RAP1GAP2: variants seen among roughly 807,000 people sequenced by gnomAD.
RAP1GAP2 encodes the protein rap1 GTPase-activating protein 2.
Under a neutral mutation model 95.0 loss-of-function variants are expected in RAP1GAP2, and 27 were observed. The ratio of observed to expected loss-of-function variants is 0.28; its 90% CI spans 0.21 to 0.39. The LOEUF (loss-of-function observed/expected upper bound fraction) is 0.39. Ranked by LOEUF, RAP1GAP2 falls within the 10% of genes least tolerant of loss-of-function variation. The pLI is 1.00. For synonymous variants in RAP1GAP2, 373 were observed against 380.9 expected (o/e 0.98, Z 0.24); for missense variants, 771 against 970.0 (o/e 0.79, Z 2.72).
At chr17:2,874,113 G>C (rs1456191934) in intron 2 of RAP1GAP2, among the ~76,000 whole-genome samples, 1 of 152,198 alleles carries the variant, frequency 6.6e-6, no homozygotes, top group Admixed American at 6.5e-5. Flanking sequence ...CTGTGGACAA[G>C]TTACCTGATT....
At chr17:2,949,180 C>T (rs898629554) in intron 3 of RAP1GAP2, among the ~76,000 whole-genome samples, 1 of 152,182 alleles carries the variant, frequency 6.6e-6, no homozygotes, top group Non-Finnish European at 1.5e-5. Flanking sequence ...GCTGTGAACG[C>T]AGAGTCCACG....
At chr17:2,999,283 G>C (rs936040328) in intron 14 of RAP1GAP2, among the ~76,000 whole-genome samples, 1 of 152,212 alleles carries the variant, frequency 6.6e-6, no homozygotes, top group Non-Finnish European at 1.5e-5. Flanking sequence ...TCACAGTGCT[G>C]TGGCGGGCAT....
intron 3 of RAP1GAP2, among the ~76,000 whole-genome samples, chr17:2,950,610 T>G (rs2043887542): frequency 6.9e-6 from 1 of 144,692 alleles, no homozygotes; most frequent in Non-Finnish European, 1.5e-5. Flanking sequence ...CTTCAATTTT[T>G]TTTTTTTTTT....
At chr17:2,841,767 G>A (rs2071382832) in intron 2 of RAP1GAP2, among the ~76,000 whole-genome samples, 1 of 152,164 alleles carries the variant, frequency 6.6e-6, no homozygotes, top group South Asian at 2.1e-4. Flanking sequence ...CAAGGAACAG[G>A]AAGTGACTGA....
intron 3 of RAP1GAP2, among the ~76,000 whole-genome samples, chr17:2,940,742 C>A (rs766291784): frequency 2.6e-5 from 4 of 152,224 alleles, no homozygotes; most frequent in Non-Finnish European, 5.9e-5. Context: ...GGGGGGCCCA[C>A]GCGGACTTGG....
chr17:2,818,054 T>G (rs1166219874), intron 2 of RAP1GAP2, among the ~76,000 whole-genome samples: 2 of 151,702 alleles, frequency 1.3e-5, no homozygotes, highest in Non-Finnish European at 2.9e-5. Context: ...GCCAGGATGG[T>G]CTCAATCTCC....
intron 3 of RAP1GAP2, among the ~76,000 whole-genome samples, chr17:2,921,824 G>A (rs938534950): frequency 2.0e-5 from 3 of 152,140 alleles, no homozygotes; most frequent in Admixed American, 6.5e-5. Context: ...CTCTTCCAGC[G>A]CCTGGTGGCT....
At chr17:2,959,600 C>G (rs568723214) in intron 4 of RAP1GAP2, among the ~76,000 whole-genome samples, 1 of 152,308 alleles carries the variant, frequency 6.6e-6, no homozygotes, top group South Asian at 2.1e-4. Context: ...AAGCTCAGAG[C>G]AGTGAAGCGC....
In RAP1GAP2 at chr17:2,923,379, T is replaced by C. The variant is rs374596730; in HGVS notation, c.165+18011T>C. 2.5e-4 allele frequency among the ~76,000 whole-genome samples: 38 copies of C among 149,750 alleles called. 1 individual carries two copies. In the South Asian group the frequency reaches 7.9e-3, roughly 31 times the overall value. The stretch of plus-strand genomic sequence containing the variant: ...CAGAGTCTCGCTCTGTTGCCCAGGC[T>C]GGAATGCAGTGGTGCAATCTTGGCT... On this transcript the variant is annotated intron_variant, in intron 3 of 24. Coordinates refer to ENST00000254695, the MANE Select transcript of RAP1GAP2 (RefSeq NM_015085.5).
At chr17:2,943,592 C>T (rs1306934883) in intron 3 of RAP1GAP2, among the ~76,000 whole-genome samples, 1 of 151,612 alleles carries the variant, frequency 6.6e-6, no homozygotes, top group Non-Finnish European at 1.5e-5. Flanking sequence ...TTGAACGTGG[C>T]AGGTGGATGA....
chr17:2,846,310 A>G (rs1445742145), intron 2 of RAP1GAP2, among the ~76,000 whole-genome samples: 3 of 151,952 alleles, frequency 2.0e-5, no homozygotes, highest in Non-Finnish European at 1.5e-5. Context: ...GCATGTGTCC[A>G]TGTTTTGTTC....
At chr17:2,848,350 G>T (rs540033483) in intron 2 of RAP1GAP2, among the ~76,000 whole-genome samples, 1 of 152,106 alleles carries the variant, frequency 6.6e-6, no homozygotes, top group Non-Finnish European at 1.5e-5. Context: ...TGAGGCCTCC[G>T]AGTCCTGGCC....
At chr17:2,960,770 G>C (rs903763221) in intron 4 of RAP1GAP2, among the ~76,000 whole-genome samples, 4 of 152,216 alleles carry the variant, frequency 2.6e-5, no homozygotes, top group Non-Finnish European at 4.4e-5. Flanking sequence ...CCAGGCAGAC[G>C]CTGCTTCTGG....
intron 1 of RAP1GAP2, among the ~76,000 whole-genome samples, chr17:2,768,692 CAAAA>C (rs59118427): frequency 2.7e-5 from 3 of 111,384 alleles, no homozygotes; most frequent in Admixed American, 1.0e-4. Context: ...AACTCTGTCT[CAAAA>C]AAAAAAAAAA....
Position 3,005,577 on chromosome 17 carries a change from CT to C in RAP1GAP2, c.1272+140del, listed in dbSNP as rs2046306934. 2.0e-6 allele frequency: 2 copies of C among 994,830 alleles called. No homozygotes were observed. Among genetic ancestry groups the C allele is most frequent in the African/African-American group, 3.2e-5 (2 of 62,744 alleles). The allele number at this position is 994,830 out of a possible 1,614,324, so 61.6% of individuals were successfully genotyped here. On this transcript the variant is annotated intron_variant, in intron 15 of 24. Coordinates refer to ENST00000254695, the MANE Select transcript of RAP1GAP2 (RefSeq NM_015085.5). This position sits in a 1 kb window ranked among gnomAD's most constrained non-coding sequence, Gnocchi z 5.2. ...TTTTGCAGGTTTTGGGGGGAACCTCCTTTCTTGGGGTCTCTCCCCACCTCTT... is the reference window on the plus strand; with the variant it reads ...TTTTGCAGGTTTTGGGGGGAACCTCCTTCTTGGGGTCTCTCCCCACCTCTT...
intron 8 of RAP1GAP2, among the ~76,000 whole-genome samples, chr17:2,979,426 T>C (rs2045259103): frequency 6.6e-6 from 1 of 151,872 alleles, no homozygotes; most frequent in Non-Finnish European, 1.5e-5. Flanking sequence ...ATTTCCCGTA[T>C]TTCAGTGGCA....
upstream of RAP1GAP2, among the ~76,000 whole-genome samples, chr17:2,794,398 C>T (rs1432059340): frequency 1.3e-5 from 2 of 152,164 alleles, no homozygotes; most frequent in Admixed American, 6.5e-5. Context: ...GTCCACGGTA[C>T]CTGTTGAGCA....
intron 8 of RAP1GAP2, among the ~76,000 whole-genome samples, chr17:2,977,517 G>C (rs2045175942): frequency 6.6e-6 from 1 of 152,050 alleles, no homozygotes; most frequent in South Asian, 2.1e-4. Flanking sequence ...GGCCAAGGTG[G>C]GTGGATCACT....
chr17:2,907,910 G>A (rs1163536741), intron 3 of RAP1GAP2, among the ~76,000 whole-genome samples: 2 of 152,100 alleles, frequency 1.3e-5, no homozygotes, highest in Non-Finnish European at 2.9e-5. Flanking sequence ...GGGTTCAAGC[G>A]CTTCTCCTAC....
Sources: allele counts gnomAD v4.1 joint callset (sites outside exome capture counted in the v4.1 genomes callset), GRCh38; gene constraint gnomAD v4.1.1; non-coding constraint Gnocchi (gnomAD v3.1); transcripts MANE v1.5; gene names NCBI Gene and HGNC (gene_info 2026-07-23, HGNC 2026-07-21).